The following FDPS variants were observed in gnomAD, a reference collection of about 807,000 sequenced individuals.
FDPS encodes farnesyl pyrophosphate synthase.
Under a neutral mutation model 49.5 loss-of-function variants are expected in FDPS, and 29 were observed. That is an observed-to-expected ratio of 0.59 (90% CI 0.44 to 0.80). The LOEUF (loss-of-function observed/expected upper bound fraction) is 0.80. Ranked by LOEUF, FDPS falls within the 30% of genes least tolerant of loss-of-function variation. FDPS has a pLI of 0.00. For synonymous variants in FDPS, 172 were observed against 206.4 expected, an observed-to-expected ratio of 0.83 and a Z score of 1.43; for missense variants, 414 against 525.6, an observed-to-expected ratio of 0.79 and a Z score of 2.08.
rs901248142 is a variant in FDPS, at chr1:155,312,502, C to T, written c.480+107C>T. Reference sequence around the variant, plus strand: ...TTATTTCTGGGTTGTGTTTGTGTTTCTTTGTCTCTAGTGTGCTACGGCCAA... The same window carrying T: ...TTATTTCTGGGTTGTGTTTGTGTTTTTTTGTCTCTAGTGTGCTACGGCCAA... On this transcript the variant is annotated intron_variant, in intron 4 of 10. Coordinates refer to ENST00000368356, the MANE Select transcript of FDPS (RefSeq NM_002004.4). 3.0e-6 allele frequency: 4 copies of T among 1,312,310 alleles called. 1 individual carries two copies. The highest frequency in any genetic ancestry group is 3.7e-4 in the Middle Eastern group (2 of 5,406). The allele number at this position is 1,312,310 out of a possible 1,614,324, so 81.3% of individuals were successfully genotyped here. A position where few individuals can be genotyped will look rare whatever the true frequency, so the allele number is the denominator to read the frequency against.
chr1:155,312,435 T>C, intron 4 of FDPS, 40 bp downstream of exon 4: 1 of 1,507,654 alleles, frequency 6.6e-7, no homozygotes, highest in Admixed American at 1.7e-5. Context: ...TTTCCTGCAA[T>C]GGTGGTGACT....
chr1:155,316,347 G>A (rs79696808), intron 4 of FDPS, among the ~76,000 whole-genome samples: 3 of 150,414 alleles, frequency 2.0e-5, no homozygotes, highest in African/African-American at 4.9e-5. Context: ...AGCTGGGTGC[G>A]CTGGTGTGTG....
At chr1:155,320,330 T>A (rs888818829) in intron 10 of FDPS, 79 bp from the exon 11 acceptor site, 25 of 1,179,460 alleles carry the variant, frequency 2.1e-5, no homozygotes, top group Non-Finnish European at 2.7e-5. Flanking sequence ...TTCTGGAATA[T>A]GTGAATGAGG....
At chr1:155,319,973 T>A (rs1650108514) in intron 10 of FDPS, 45 bp downstream of exon 10, 1 of 1,604,806 alleles carries the variant, frequency 6.2e-7, no homozygotes, top group East Asian at 2.2e-5. Context: ...TGGAAAGGGA[T>A]AGAGCAGTGG....
In FDPS at chr1:155,318,142, T is replaced by C; in HGVS notation, c.562-27T>C. Reference sequence around the variant, plus strand: ...GTATGAACCGAGACTAGAGATTGATTGCTTGTTTTTCTGTCTGTCATGACA... The same window carrying C: ...GTATGAACCGAGACTAGAGATTGATCGCTTGTTTTTCTGTCTGTCATGACA... On this transcript the variant is annotated intron_variant, in intron 5 of 10. Coordinates refer to ENST00000368356, the MANE Select transcript of FDPS (RefSeq NM_002004.4). This position sits in a 1 kb window ranked among gnomAD's most constrained non-coding sequence, Gnocchi z 4.2. 6.2e-7 allele frequency: 1 copy of C among 1,614,094 alleles called. No homozygotes were observed. The highest frequency in any genetic ancestry group is 8.5e-7 in the Non-Finnish European group (1 of 1,179,990).
Position 155,320,640 on chromosome 1 carries a change from C to T in FDPS, c.*31C>T, listed in dbSNP as rs1481527488. On this transcript the variant is annotated 3_prime_UTR_variant, in exon 11 of 11. Transcript: ENST00000368356. ...AGATTGCAAGGGCGGGGAGAGGAGG[C>T]TCTCAATAAATAATCGTGTAACCTT... 1 of 1,608,680 alleles carries T rather than the reference C, an allele frequency of 6.2e-7. No individual in the cohort carries two copies. Among genetic ancestry groups the T allele is most frequent in the Non-Finnish European group, 8.5e-7 (1 of 1,175,308 alleles).
At chr1:155,319,768 T>C (rs1336662834) in intron 9 of FDPS, 26 bp from the exon 10 acceptor site, 2 of 1,613,922 alleles carry the variant, frequency 1.2e-6, no homozygotes, top group Non-Finnish European at 1.7e-6. Context: ...CCTTCCTCTT[T>C]TGCTGCCCTC....
At chr1:155,311,409 G>A (rs1386736726) in intron 3 of FDPS, among the ~76,000 whole-genome samples, 1 of 152,212 alleles carries the variant, frequency 6.6e-6, no homozygotes, top group Non-Finnish European at 1.5e-5. Flanking sequence ...AGACACTACT[G>A]GAGGAGTGGG....
intron 4 of FDPS, among the ~76,000 whole-genome samples, chr1:155,316,058 C>T (rs1649361546): frequency 6.6e-6 from 1 of 152,018 alleles, no homozygotes; most frequent in South Asian, 2.1e-4. Context: ...AGTTCGAGAC[C>T]AGCCTGACCA....
chr1:155,314,278 G>A lies in FDPS; in HGVS notation c.480+1883G>A, dbSNP rs1018939676. ...TTGGCTCACTGCAATCTCTGCCTCT[G>A]GAGCGGAAGCCACCCTTCCACCGCC... On this transcript the variant is annotated intron_variant, in intron 4 of 10. Transcript: ENST00000368356. 2.0e-5 allele frequency among the ~76,000 whole-genome samples: 3 copies of A among 151,284 alleles called. No individual in the cohort carries two copies. In the East Asian group the frequency reaches 5.8e-4, roughly 29 times the overall value.
chr1:155,316,755 C>T (rs1649472101), intron 4 of FDPS: 1 of 150,114 alleles, frequency 6.7e-6, no homozygotes, highest in South Asian at 2.1e-4. Context: ...GGCGCCACTG[C>T]ACTCCAGCTT....
chr1:155,318,776 G>C lies in FDPS; in HGVS notation c.773+23G>C, dbSNP rs199798627. 3.7e-6 allele frequency: 6 copies of C among 1,601,234 alleles called. No individual in the cohort carries two copies. The highest frequency in any genetic ancestry group is 5.1e-6 in the Non-Finnish European group (6 of 1,168,456). Reference sequence around the variant, plus strand: ...GAGGTGAGGGGAGGTGAGGGACAGCGCGAACCATGTCTGGACAGCGAGGGA... The same window carrying C: ...GAGGTGAGGGGAGGTGAGGGACAGCCCGAACCATGTCTGGACAGCGAGGGA... On this transcript the variant is annotated intron_variant, in intron 7 of 10. Coordinates refer to ENST00000368356, the MANE Select transcript of FDPS (RefSeq NM_002004.4). The surrounding 1 kb of genome is among the most constrained non-coding windows in gnomAD (Gnocchi z 4.2).
chr1:155,309,751 A>C, intron 1 of FDPS, 38 bp from the exon 2 acceptor site: 1 of 1,482,248 alleles, frequency 6.7e-7, no homozygotes, highest in Non-Finnish European at 9.0e-7. Flanking sequence ...TTGCCCCTGC[A>C]GGGAGTGCTT....
chr1:155,319,042 A>G (rs1318824692), intron 8 of FDPS, 114 bp downstream of exon 8: 5 of 779,052 alleles, frequency 6.4e-6, no homozygotes, highest in Non-Finnish European at 8.9e-6. Context: ...TGTGACCTTG[A>G]GCAAGTCGGT....
At chr1:155,309,599 CACCCA>C in intron 1 of FDPS, 185 bp from the exon 2 acceptor site, 3 of 520,640 alleles carry the variant, frequency 5.8e-6, no homozygotes, top group South Asian at 3.6e-5. Flanking sequence ...GGGTCTCAGT[CACCCA>C]GCCATACTTT....
intron 3 of FDPS, among the ~76,000 whole-genome samples, chr1:155,311,583 G>A (rs1648801161): frequency 6.6e-6 from 1 of 152,172 alleles, no homozygotes; most frequent in South Asian, 2.1e-4. Flanking sequence ...GGGAAGTCTA[G>A]GAGAGGTGGG....
chr1:155,318,509 T>C lies in FDPS; in HGVS notation c.685-156T>C, dbSNP rs1649768188. 2.5e-6 allele frequency: 2 copies of C among 812,522 alleles called. No individual in the cohort carries two copies. Among genetic ancestry groups the C allele is most frequent in the Admixed American group, 4.8e-5 (2 of 41,834 alleles). 50.3% of individuals were successfully genotyped at this position (812,522 alleles called of 1,614,324 possible). On this transcript the variant is annotated intron_variant, in intron 6 of 10. Transcript: ENST00000368356. The surrounding 1 kb of genome is among the most constrained non-coding windows in gnomAD (Gnocchi z 4.2). ...AGAAAGGGTGATAAAGGACTGTGTG[T>C]ATGAATATGGGCCTTAAGTTTTGGG...
At chr1:155,316,798 A>G (rs1649483336) in intron 4 of FDPS, 1 of 152,108 alleles carries the variant, frequency 6.6e-6, no homozygotes, top group Non-Finnish European at 1.5e-5. Flanking sequence ...CTCAAAAAAA[A>G]AAAAAAAGAA....
intron 10 of FDPS, 105 bp from the exon 11 acceptor site, chr1:155,320,304 G>A: frequency 3.2e-6 from 3 of 923,596 alleles, no homozygotes; most frequent in African/African-American, 1.6e-5. Context: ...GAAAGGAGTG[G>A]GTGGCTTTGG....
Sources: allele counts gnomAD v4.1 joint callset (sites outside exome capture counted in the v4.1 genomes callset), GRCh38; gene constraint gnomAD v4.1.1; non-coding constraint Gnocchi (gnomAD v3.1); transcripts MANE v1.5; gene names NCBI Gene and HGNC (gene_info 2026-07-23, HGNC 2026-07-21).